The following USP6 variants were observed in gnomAD, a reference collection of about 807,000 sequenced individuals.
USP6 encodes ubiquitin specific peptidase 6.
Under a neutral mutation model 175.7 loss-of-function variants are expected in USP6, and 128 were observed. The ratio of observed to expected loss-of-function variants is 0.73; its 90% CI spans 0.63 to 0.84. The LOEUF is 0.84. Among genes scored for constraint, USP6 ranks in the 40% least tolerant of loss-of-function variants. USP6 has a pLI of 0.00. For synonymous variants in USP6, 562 were observed against 630.6 expected (o/e 0.89, Z 1.63); for missense variants, 1,498 against 1,760.3 (o/e 0.85, Z 2.67).
chr17:5,144,729 C>T lies in USP6; in HGVS notation c.1858C>T (p.Gln620Ter). The stretch of plus-strand genomic sequence containing the variant: ...ATATGCTCCCAAGTTTGATGGGTTT[C>T]AGCAACAAGACTCCCAAGAACTTCT... ...AKYAPKFDGF[Q>*]QQDSQELLAF... Residue 620 changes from glutamine (Q) to a stop codon, truncating the protein, a stop_gained, in exon 26 of 38, where the codon CAG becomes TAG. Coordinates refer to ENST00000574788, the MANE Select transcript of USP6 (RefSeq NM_001304284.2). LOFTEE classifies it high-confidence loss of function. 3 of 1,613,712 alleles carry T rather than the reference C, an allele frequency of 1.9e-6. No individual in the cohort carries two copies. The highest frequency in any genetic ancestry group is 2.5e-6 in the Non-Finnish European group (3 of 1,179,808).
At chr17:5,166,101 A>G (rs527947124) in intron 33 of USP6, among the ~76,000 whole-genome samples, 1 of 152,268 alleles carries the variant, frequency 6.6e-6, no homozygotes, top group East Asian at 1.9e-4. Flanking sequence ...CATTCCAACA[A>G]CGATGATACA....
intron 7 of USP6, 131 bp from the exon 8 acceptor site, chr17:5,128,821 C>T (rs1198954859): frequency 2.0e-5 from 3 of 152,688 alleles, no homozygotes; most frequent in South Asian, 2.1e-4. Context: ...CTGTGTTCTA[C>T]GGCAGTTACA....
chr17:5,123,249 G>C (rs1157059264), intron 4 of USP6: 1 of 153,252 alleles, frequency 6.5e-6, no homozygotes, highest in Non-Finnish European at 1.5e-5. Flanking sequence ...GGCACACGTC[G>C]GTGGCCACAT....
chr17:5,131,621 T>TG, intron 11 of USP6, among the ~76,000 whole-genome samples: 1 of 150,502 alleles, frequency 6.6e-6, no homozygotes, highest in South Asian at 2.1e-4. Flanking sequence ...CCTAGGGGAA[T>TG]GGGGGAGAAG....
At chr17:5,123,291 G>A (rs1159700562) in intron 4 of USP6, among the ~76,000 whole-genome samples, 1 of 151,998 alleles carries the variant, frequency 6.6e-6, no homozygotes, top group Non-Finnish European at 1.5e-5. Flanking sequence ...CCTTTTCCCC[G>A]CACCGCCGGT....
intron 32 of USP6, among the ~76,000 whole-genome samples, chr17:5,162,174 T>G (rs1336081985): frequency 1.3e-5 from 2 of 152,154 alleles, no homozygotes; most frequent in Non-Finnish European, 2.9e-5. Context: ...TGTTTTGAGA[T>G]GGAGTCTCGC....
intron 36 of USP6, 72 bp downstream of exon 36, chr17:5,170,987 C>G: frequency 6.5e-7 from 1 of 1,541,486 alleles, no homozygotes; most frequent in Non-Finnish European, 8.8e-7. Context: ...TATTCATCAG[C>G]AAGTATTTTT....
intron 11 of USP6, 116 bp downstream of exon 11, chr17:5,130,800 C>T: frequency 7.4e-7 from 1 of 1,360,362 alleles, no homozygotes; most frequent in Non-Finnish European, 1.0e-6. Context: ...TCGGGCCAAC[C>T]TCTTTTCCAG....
At chr17:5,130,947 C>T (rs535983783) in intron 11 of USP6, among the ~76,000 whole-genome samples, 8 of 152,296 alleles carry the variant, frequency 5.3e-5, no homozygotes, top group Admixed American at 3.3e-4. Flanking sequence ...GCAGTTCTGT[C>T]GGCAAGTGAG....
intron 31 of USP6, among the ~76,000 whole-genome samples, chr17:5,157,775 T>C (rs2073915754): frequency 6.6e-6 from 1 of 152,020 alleles, no homozygotes; most frequent in Non-Finnish European, 1.5e-5. Flanking sequence ...GGAGTACAGG[T>C]GCACACCACC....
chr17:5,148,568 C>T lies in USP6; in HGVS notation c.2444C>T (p.Ser815Leu). 1 of 1,613,866 alleles carries T rather than the reference C, an allele frequency of 6.2e-7. No homozygotes were observed. The highest frequency in any genetic ancestry group is 8.5e-7 in the Non-Finnish European group (1 of 1,179,746). ...SSPTQIDFSS[S>L]PSTNGMFTLT... ...TTTGAATTTGTAGATTTCTCCTCTT[C>T]ACCATCTACAAATGGAATGTTCACC... Residue 815 changes from serine to leucine, a missense_variant, in exon 30 of 38, where the codon TCA (serine) becomes TTA (leucine). By Grantham distance (145) the Ser-to-Leu change is moderately radical (BLOSUM62 -2). Transcript: ENST00000574788.
At chr17:5,160,378 T>G (rs577804306) in intron 31 of USP6, among the ~76,000 whole-genome samples, 1 of 152,212 alleles carries the variant, frequency 6.6e-6, no homozygotes, top group African/African-American at 2.4e-5. Context: ...CTTGCATTGC[T>G]TCCTTCTCCC....
At chr17:5,160,288 C>T (rs56136014) in intron 31 of USP6, among the ~76,000 whole-genome samples, 8,958 of 152,154 alleles carry the variant, frequency 0.059, 878 homozygotes, top group African/African-American at 0.2. Context: ...ATCATGGTTT[C>T]ATTACCTTCA....
intron 22 of USP6, 70 bp from the exon 23 acceptor site, chr17:5,141,355 A>C: frequency 7.0e-7 from 1 of 1,432,506 alleles, no homozygotes. Flanking sequence ...TAAAAAAAAA[A>C]AACAGAAGCA....
At chr17:5,123,082 T>C (rs2072749342) in intron 4 of USP6, 1 of 153,174 alleles carries the variant, frequency 6.5e-6, no homozygotes, top group Admixed American at 6.5e-5. Context: ...TCCGAAGAGA[T>C]GGGCCCCATC....
At chr17:5,152,265 A>G (rs999982344) in intron 30 of USP6, among the ~76,000 whole-genome samples, 3 of 152,008 alleles carry the variant, frequency 2.0e-5, no homozygotes, top group East Asian at 3.9e-4. Flanking sequence ...AAAGTGATCA[A>G]TGACACTAGT....
intron 28 of USP6, among the ~76,000 whole-genome samples, chr17:5,146,845 TC>T (rs1315781484): frequency 6.6e-6 from 1 of 152,152 alleles, no homozygotes; most frequent in African/African-American, 2.4e-5. Flanking sequence ...ACTGAAGAAG[TC>T]AGTCATGTAC....
chr17:5,121,100 T>C (rs1045689919), intron 3 of USP6, among the ~76,000 whole-genome samples: 3 of 152,114 alleles, frequency 2.0e-5, no homozygotes, highest in African/African-American at 7.2e-5. Context: ...AGGCTGAGTG[T>C]CTCCAGTGTC....
intron 8 of USP6, 122 bp from the exon 9 acceptor site, chr17:5,129,814 A>G (rs531896842): frequency 2.8e-4 from 46 of 161,456 alleles, no homozygotes; most frequent in South Asian, 2.6e-3. Flanking sequence ...AAAACCAAAC[A>G]CACTCCTGCT....
Sources: gnomAD v4.1 joint callset for allele counts (sites outside exome capture counted in the v4.1 genomes callset) on GRCh38, gnomAD v4.1.1 for gene constraint, MANE v1.5 for transcripts, NCBI Gene and HGNC (gene_info 2026-07-23, HGNC 2026-07-21) for gene names.